Variants in SAMD4A observed in about 807,000 individuals in gnomAD.
The protein encoded by SAMD4A is sterile alpha motif domain containing 4A, also known as protein Smaug homolog 1.
SAMD4A carries 33 observed loss-of-function variants against 81.3 expected under a neutral mutation model. The ratio of observed to expected loss-of-function variants is 0.41; its 90% CI spans 0.31 to 0.54. SAMD4A has a LOEUF of 0.54. Ranked by LOEUF, SAMD4A falls within the 20% of genes least tolerant of loss-of-function variation. SAMD4A has a pLI of 0.37. For missense variants in SAMD4A, 854 were observed against 951.1 expected (o/e 0.90, Z 1.34); for synonymous variants, 389 against 382.1 (o/e 1.02, Z -0.21).
At chr14:54,585,470 G>A (rs189548728) in intron 2 of SAMD4A, among the ~76,000 whole-genome samples, 1 of 151,926 alleles carries the variant, frequency 6.6e-6, no homozygotes, top group East Asian at 1.9e-4. Context: ...GTAGGTTTTT[G>A]GGGAACAAAT....
chr14:54,714,841 C>T (rs925683848), intron 3 of SAMD4A, among the ~76,000 whole-genome samples: 2 of 152,046 alleles, frequency 1.3e-5, no homozygotes, highest in African/African-American at 4.8e-5. Context: ...CAAAGCTATC[C>T]CATTATGCTA....
At chr14:54,635,697 G>A (rs182958767) in intron 2 of SAMD4A, among the ~76,000 whole-genome samples, 25 of 150,968 alleles carry the variant, frequency 1.7e-4, no homozygotes, top group Admixed American at 1.4e-3. Flanking sequence ...GCAGTGAGCC[G>A]AGATTGCACC....
intron 2 of SAMD4A, among the ~76,000 whole-genome samples, chr14:54,582,769 C>T (rs1220244465): frequency 6.6e-6 from 1 of 152,120 alleles, no homozygotes; most frequent in Non-Finnish European, 1.5e-5. Flanking sequence ...TTGGTCACAC[C>T]AGGAAATGTC....
At chr14:54,784,645 C>T (rs771073590) in intron 12 of SAMD4A, 25 bp downstream of exon 12, 14 of 1,593,182 alleles carry the variant, frequency 8.8e-6, no homozygotes, top group Non-Finnish European at 1.2e-5. Context: ...CCTGCATGTC[C>T]CCATGTCCCT....
At chr14:54,776,266 T>A in intron 10 of SAMD4A, 148 bp from the exon 11 acceptor site, 1 of 747,000 alleles carries the variant, frequency 1.3e-6, no homozygotes, top group Non-Finnish European at 2.1e-6. Flanking sequence ...TCTCTATAAA[T>A]AAGCAGATGC....
At position 54,739,055 on chromosome 14, in the gene SAMD4A, C is replaced by CTTTTTTTTTTTTTTTTTTT. The variant is rs3051648; in HGVS notation, c.979+1769_979+1787dup. ...TACTTTGTTTTCTTTCTTTCCTTTTCTTTTTTTTTTTTTTTTTTTGAGGCC... is the reference window on the plus strand; with the variant it reads ...TACTTTGTTTTCTTTCTTTCCTTTTCTTTTTTTTTTTTTTTTTTTTTTTTTTTTTTTTTTTTTTGAGGCC... On this transcript the variant is annotated intron_variant, in intron 4 of 12. Coordinates refer to ENST00000554335, the MANE Select transcript of SAMD4A (RefSeq NM_015589.6). 4.6e-4 allele frequency among the ~76,000 whole-genome samples: 45 copies of CTTTTTTTTTTTTTTTTTTT among 97,340 alleles called. 2 individuals carry two copies. Among genetic ancestry groups the CTTTTTTTTTTTTTTTTTTT allele is most frequent in the African/African-American group, 1.9e-3 (40 of 20,652 alleles). 63.9% of individuals were successfully genotyped at this position (97,340 alleles called of 152,430 possible).
At chr14:54,773,677 C>T (rs1232591437) in intron 9 of SAMD4A, among the ~76,000 whole-genome samples, 2 of 152,168 alleles carry the variant, frequency 1.3e-5, no homozygotes, top group Non-Finnish European at 2.9e-5. Flanking sequence ...CTTATGCAGC[C>T]GACTTTGCAG....
chr14:54,687,174 T>C, intron 2 of SAMD4A: 1 of 357,336 alleles, frequency 2.8e-6, no homozygotes, highest in Non-Finnish European at 5.5e-6. Context: ...GTGATGACCT[T>C]TGTTTTTTAG....
At chr14:54,648,310 T>A (rs7147215) in intron 2 of SAMD4A, among the ~76,000 whole-genome samples, 7,741 of 152,228 alleles carry the variant, frequency 0.051, 209 homozygotes, top group Middle Eastern at 0.12. Flanking sequence ...AAGGGCAGAT[T>A]GAGACTTCAG....
intron 2 of SAMD4A, among the ~76,000 whole-genome samples, chr14:54,615,576 G>T (rs1005720437): frequency 1.3e-5 from 2 of 152,178 alleles, no homozygotes; most frequent in Non-Finnish European, 2.9e-5. Flanking sequence ...ATAGGTCCCT[G>T]ATCACCTCTT....
At chr14:54,745,611 A>C (rs1368465144) in intron 4 of SAMD4A, among the ~76,000 whole-genome samples, 1 of 152,234 alleles carries the variant, frequency 6.6e-6, no homozygotes, top group Non-Finnish European at 1.5e-5. Flanking sequence ...TCATGTCTTC[A>C]CAGAGCTTGG....
chr14:54,772,333 A>G (rs568979887), intron 9 of SAMD4A, among the ~76,000 whole-genome samples: 3 of 152,210 alleles, frequency 2.0e-5, no homozygotes, highest in Admixed American at 6.5e-5. Context: ...AGCATTGATG[A>G]TTTCATTAAG....
At chr14:54,652,852 G>T (rs2035435497) in intron 2 of SAMD4A, 1 of 152,082 alleles carries the variant, frequency 6.6e-6, no homozygotes, top group African/African-American at 2.4e-5. Flanking sequence ...TAACTGTTTT[G>T]GTGAATGGAT....
At chr14:54,678,811 G>A (rs1437929369) in intron 2 of SAMD4A, among the ~76,000 whole-genome samples, 2 of 152,170 alleles carry the variant, frequency 1.3e-5, no homozygotes. Flanking sequence ...GCCTCCCAAA[G>A]TGCTGGGATT....
At chr14:54,577,883 TC>T in intron 2 of SAMD4A, among the ~76,000 whole-genome samples, 1 of 152,358 alleles carries the variant, frequency 6.6e-6, no homozygotes, top group African/African-American at 2.4e-5. Context: ...GGTTAAATTC[TC>T]CGTCCATGTA....
rs1462032033 is a variant in SAMD4A at position 54,760,324 on chromosome 14, G to A, written c.1340G>A (p.Ser447Asn). 1 of 1,605,202 alleles carries A rather than the reference G, an allele frequency of 6.2e-7. No homozygotes were observed. The highest frequency in any genetic ancestry group is 1.7e-5 in the Admixed American group (1 of 59,552). Residue 447 changes from serine to asparagine, a missense_variant, in exon 7 of 13, where the codon AGC (serine) becomes AAC (asparagine). By Grantham distance (46) the Ser-to-Asn change is conservative (BLOSUM62 1). This residue lies in a region of SAMD4A where 428 missense variants were observed against 471.2 expected (regional missense o/e 0.91). Coordinates refer to ENST00000554335, the MANE Select transcript of SAMD4A (RefSeq NM_015589.6). ...TCACTGATGGGCCCCGAGAGCCAGA[G>A]CCCCGACTGCAAAGATGGGGCCGCA... The part of the protein sequence containing the change: ...QPSLMGPESQ[S>N]PDCKDGAAAT...
In SAMD4A at chr14:54,789,067, C is replaced by A; in HGVS notation, c.*123C>A. 9.1e-7 allele frequency: 1 copy of A among 1,100,572 alleles called. No homozygotes were observed. The highest frequency in any genetic ancestry group is 2.4e-5 in the East Asian group (1 of 41,214). The allele number at this position is 1,100,572 out of a possible 1,614,324, so 68.2% of individuals were successfully genotyped here. A position where few individuals can be genotyped will look rare whatever the true frequency, so the allele number is the denominator to read the frequency against. Reference sequence around the variant, plus strand: ...TTGCAGCCTTTTTTCCCCCTGGTCCCTCTCCCGTTTTGATTTTGTGAGAGC... The same window carrying A: ...TTGCAGCCTTTTTTCCCCCTGGTCCATCTCCCGTTTTGATTTTGTGAGAGC... On this transcript the variant is annotated 3_prime_UTR_variant, in exon 13 of 13. Coordinates refer to ENST00000554335, the MANE Select transcript of SAMD4A (RefSeq NM_015589.6).
intron 2 of SAMD4A, among the ~76,000 whole-genome samples, chr14:54,666,624 A>G (rs371122431): frequency 9.2e-5 from 14 of 152,302 alleles, no homozygotes; most frequent in East Asian, 5.8e-4. Context: ...TAACCAATTT[A>G]TATTATTATT....
chr14:54,639,700 C>T (rs984929711), intron 2 of SAMD4A, among the ~76,000 whole-genome samples: 6 of 152,144 alleles, frequency 3.9e-5, no homozygotes, highest in Admixed American at 2.0e-4. Flanking sequence ...TCAAACATGG[C>T]AGCTCATAGC....
Sources: allele counts gnomAD v4.1 joint callset (sites outside exome capture counted in the v4.1 genomes callset), GRCh38; gene constraint gnomAD v4.1.1; regional missense constraint gnomAD v4.1.1; transcripts MANE v1.5; gene names NCBI Gene and HGNC (gene_info 2026-07-23, HGNC 2026-07-21).